Variants in KPNA6 observed in about 807,000 individuals in gnomAD.
The protein encoded by KPNA6 is importin subunit alpha-7.
Under a neutral mutation model 72.0 loss-of-function variants are expected in KPNA6, and 9 were observed. The observed-to-expected ratio is 0.13, with a 90% CI of 0.08 to 0.22. The LOEUF (loss-of-function observed/expected upper bound fraction) is 0.22. Among genes scored for constraint, KPNA6 ranks in the 10% least tolerant of loss-of-function variants. KPNA6 has a pLI of 1.00. For missense variants in KPNA6, 374 were observed against 655.7 expected (o/e 0.57, Z 4.69); for synonymous variants, 219 against 242.1 (o/e 0.90, Z 0.89).
At chr1:32,119,032 A>ATATATTTTTTTT (rs1167325052) in intron 1 of KPNA6, among the ~76,000 whole-genome samples, 1 of 40,274 alleles carries the variant, frequency 2.5e-5, no homozygotes, top group Non-Finnish European at 4.1e-5. Flanking sequence ...ATATATATAT[A>ATATATTTTTTTT]TTTTTTTTTT....
rs542083401 is a variant in KPNA6, at chr1:32,140,988, G to C, written c.5-13600G>C. ...TTGTGTCTATCACTTGTGTATTGTG[G>C]GTTATCTTCTCACCCATCACATCCC... On this transcript the variant is annotated intron_variant, in intron 1 of 13. Coordinates refer to ENST00000373625, the MANE Select transcript of KPNA6 (RefSeq NM_012316.5). Among the ~76,000 whole-genome samples the C allele has an allele frequency of 6.2e-4, 95 of 152,206 alleles. 1 individual carries two copies. The highest frequency in any genetic ancestry group is 2.0e-3 in the African/African-American group (85 of 41,532).
chr1:32,109,237 C>T (rs1641201137), intron 1 of KPNA6, among the ~76,000 whole-genome samples: 1 of 152,116 alleles, frequency 6.6e-6, no homozygotes, highest in African/African-American at 2.4e-5. Context: ...GACGCGATCT[C>T]GGCTCACTGC....
rs182361315 is a variant in KPNA6 at position 32,147,848 on chromosome 1, C to T, written c.5-6740C>T. Among the ~76,000 whole-genome samples, 189 of 151,454 alleles carry T rather than the reference C, an allele frequency of 1.2e-3. 1 individual carries two copies. Among genetic ancestry groups the T allele is most frequent in the Admixed American group, 3.4e-3 (52 of 15,190 alleles). ...CTAATTTTTGTACTTTTTGTAGAGACGGGGTTTTGCCATGTTGCCCAGGCT... is the reference window on the plus strand; with the variant it reads ...CTAATTTTTGTACTTTTTGTAGAGATGGGGTTTTGCCATGTTGCCCAGGCT... On this transcript the variant is annotated intron_variant, in intron 1 of 13. Coordinates refer to ENST00000373625, the MANE Select transcript of KPNA6 (RefSeq NM_012316.5).
In KPNA6 at chr1:32,173,493, C is replaced by G. The variant is rs1012874165; in HGVS notation, c.*2599C>G. 2 of 174,420 alleles carry G rather than the reference C, an allele frequency of 1.1e-5. No homozygotes were observed. Among genetic ancestry groups the G allele is most frequent in the African/African-American group, 4.7e-5 (2 of 42,388 alleles). The allele number at this position is 174,420 out of a possible 1,614,324, so 10.8% of individuals were successfully genotyped here. A position where few individuals can be genotyped will look rare whatever the true frequency, so the allele number is the denominator to read the frequency against. ...CAGAGTGTGAGGATAGATTTCTAAT[C>G]AGAGAAAAGTGGCCTCCAGGAGCTT... On this transcript the variant is annotated 3_prime_UTR_variant, in exon 14 of 14. Coordinates refer to ENST00000373625, the MANE Select transcript of KPNA6 (RefSeq NM_012316.5).
chr1:32,158,174 CA>C, intron 4 of KPNA6, 92 bp from the exon 5 acceptor site: 1 of 755,244 alleles, frequency 1.3e-6, no homozygotes, highest in East Asian at 2.5e-5. Context: ...TAAGGGTGGT[CA>C]GAAGTGTCTA....
At chr1:32,150,689 T>C (rs1263715630) in intron 1 of KPNA6, among the ~76,000 whole-genome samples, 13 of 151,848 alleles carry the variant, frequency 8.6e-5, no homozygotes, top group Admixed American at 8.5e-4. Context: ...TGCAGTAGCA[T>C]GATCTCTGCT....
intron 1 of KPNA6, among the ~76,000 whole-genome samples, chr1:32,151,495 A>G (rs777442769): frequency 8.0e-5 from 12 of 150,388 alleles, no homozygotes; most frequent in Non-Finnish European, 1.5e-4. Flanking sequence ...AGATTTCCCA[A>G]TTTTTTTTTT....
At chr1:32,125,601 G>A (rs371881234) in intron 1 of KPNA6, among the ~76,000 whole-genome samples, 2 of 152,164 alleles carry the variant, frequency 1.3e-5, no homozygotes, top group African/African-American at 4.8e-5. Context: ...GTAAGATTTT[G>A]TTGGGTAAGG....
rs1263904658 is a variant in KPNA6 at position 32,167,184 on chromosome 1, A to G, written c.1132A>G (p.Asn378Asp). The G allele has an allele frequency of 4.3e-6, 7 of 1,613,924 alleles. No individual in the cohort carries two copies. The highest frequency in any genetic ancestry group is 1.1e-5 in the South Asian group (1 of 91,078). The stretch of plus-strand genomic sequence containing the variant: ...TCTCTCTCAGGCTGTTATAGATGCA[A>G]ATATCTTCCCTGTGTTGATCGAAAT... ...RAQIQAVIDA[N>D]IFPVLIEILQ... The change falls in exon 12 of 14, where the codon AAT (asparagine) becomes GAT (aspartate). Residue 378 changes from asparagine (N) to aspartate (D), a missense_variant. By Grantham distance (23) the Asn-to-Asp change is conservative. This residue lies in a region of KPNA6 where 298 missense variants were observed against 495.4 expected (regional missense o/e 0.60). Coordinates refer to ENST00000373625, the MANE Select transcript of KPNA6 (RefSeq NM_012316.5).
chr1:32,150,393 A>T (rs1570045677), intron 1 of KPNA6, among the ~76,000 whole-genome samples: 1 of 151,844 alleles, frequency 6.6e-6, no homozygotes. Flanking sequence ...TCGGCCTCCC[A>T]ACGTGTTGGG....
chr1:32,108,584 C>T (rs1391776892), intron 1 of KPNA6, among the ~76,000 whole-genome samples: 1 of 152,224 alleles, frequency 6.6e-6, no homozygotes, highest in Non-Finnish European at 1.5e-5. Context: ...ACCTACGTAG[C>T]GAGGTGGAGT....
chr1:32,128,702 A>G (rs1641585247), intron 1 of KPNA6, among the ~76,000 whole-genome samples: 1 of 151,918 alleles, frequency 6.6e-6, no homozygotes, highest in African/African-American at 2.4e-5. Flanking sequence ...GGTGACTGGC[A>G]CTTCTGACAG....
At chr1:32,108,335 T>C (rs1641181756) in intron 1 of KPNA6, among the ~76,000 whole-genome samples, 1 of 152,236 alleles carries the variant, frequency 6.6e-6, no homozygotes, top group Non-Finnish European at 1.5e-5. Context: ...CCTTTGGTGC[T>C]GGTTTCGGGG....
intron 1 of KPNA6, among the ~76,000 whole-genome samples, chr1:32,117,196 G>C (rs920123205): frequency 6.7e-6 from 1 of 148,678 alleles, no homozygotes; most frequent in African/African-American, 2.5e-5. Context: ...TTTTTGAGAC[G>C]GAGTTTCACT....
chr1:32,169,497 A>T (rs1422710288), intron 12 of KPNA6, among the ~76,000 whole-genome samples: 2 of 144,002 alleles, frequency 1.4e-5, no homozygotes, highest in Non-Finnish European at 3.0e-5. Context: ...CCCAGGCTGG[A>T]GTGCAGTGGC....
chr1:32,117,180 T>G (rs527440703), intron 1 of KPNA6, among the ~76,000 whole-genome samples: 16 of 150,888 alleles, frequency 1.1e-4, no homozygotes, highest in African/African-American at 3.1e-4. Context: ...TTTTTTTTGT[T>G]TTTTTTTTTT....
At chr1:32,166,906 C>G (rs1288546983) in intron 11 of KPNA6, among the ~76,000 whole-genome samples, 5 of 152,128 alleles carry the variant, frequency 3.3e-5, no homozygotes, top group Non-Finnish European at 7.3e-5. Flanking sequence ...CCACTGCACT[C>G]CAGCCTGGGT....
At chr1:32,109,712 C>T (rs370491482) in intron 1 of KPNA6, among the ~76,000 whole-genome samples, 22 of 149,882 alleles carry the variant, frequency 1.5e-4, no homozygotes, top group African/African-American at 5.4e-4. Context: ...GGCGCGATCT[C>T]GGCTCACTGC....
intron 1 of KPNA6, 119 bp downstream of exon 1, chr1:32,108,253 A>T (rs755487150): frequency 6.9e-7 from 1 of 1,451,606 alleles, no homozygotes; most frequent in Non-Finnish European, 9.6e-7. Context: ...GCTAGGTCTG[A>T]GGGGAAAAGT....
Sources: gnomAD v4.1 joint callset for allele counts (sites outside exome capture counted in the v4.1 genomes callset) on GRCh38, gnomAD v4.1.1 for gene constraint, gnomAD v4.1.1 regional missense constraint, MANE v1.5 for transcripts, NCBI Gene and HGNC (gene_info 2026-07-23, HGNC 2026-07-21) for gene names.